The following RPS6KA2 variants were observed in gnomAD, a reference collection of about 807,000 sequenced individuals.
RPS6KA2 encodes ribosomal protein S6 kinase A2.
A neutral mutation model predicts 91.8 loss-of-function variants in RPS6KA2; 42 were observed. The ratio of observed to expected loss-of-function variants is 0.46; its 90% CI spans 0.36 to 0.59. The LOEUF is 0.59. RPS6KA2 is among the 20% of genes least tolerant of loss of function. The probability of loss-of-function intolerance (pLI) is 0.00; values close to 1 mark genes in which losing one functional copy is unlikely to be tolerated. For missense variants in RPS6KA2, 798 were observed against 978.5 expected, an observed-to-expected ratio of 0.82 and a Z score of 2.46; for synonymous variants, 414 against 393.6, an observed-to-expected ratio of 1.05 and a Z score of -0.61.
At position 166,490,691 on chromosome 6, in the gene RPS6KA2, C is replaced by G; in HGVS notation, c.798G>C (p.Glu266Asp). ...SLPFQGKDRKETMALILKAKL... is the reference protein window; with the variant it reads ...SLPFQGKDRKDTMALILKAKL... ...CTCACTTGAGGATGAGAGCCATGGTCTCCTTCCTGTCCTTCCCCTGGAACG... is the reference window on the plus strand; with the variant it reads ...CTCACTTGAGGATGAGAGCCATGGTGTCCTTCCTGTCCTTCCCCTGGAACG... The change falls in exon 9 of 21, where the codon GAG becomes GAC. Residue 266 changes from glutamate (E) to aspartate (D), a missense_variant. Physicochemically the swap from Glu to Asp is conservative, Grantham distance 45. Transcript: ENST00000265678. This position sits in a 1 kb window ranked among gnomAD's most constrained non-coding sequence, Gnocchi z 4.2. The G allele has an allele frequency of 6.2e-7, 1 of 1,612,330 alleles. No individual in the cohort carries two copies. The highest frequency in any genetic ancestry group is 8.5e-7 in the Non-Finnish European group (1 of 1,179,132).
At position 166,701,162 on chromosome 6, in the gene RPS6KA2, T is replaced by G. The variant is rs1789506671; in HGVS notation, c.123+157038A>C. The G allele has an allele frequency of 4.3e-6, 7 of 1,611,904 alleles. No homozygotes were observed. In the Admixed American group the frequency reaches 1.2e-4, roughly 27 times the overall value. ...TGTTGTTGCTGCTGCTTTACCTGAG[T>G]CAGAATTTCCTGAATTTTTCTCTGG... On this transcript the variant is annotated intron_variant, in intron 2 of 21. Coordinates refer to the RPS6KA2 transcript ENST00000503859.
At chr6:166,856,639 T>C (rs1780911249) in intron 2 of RPS6KA2, among the ~76,000 whole-genome samples, 1 of 152,212 alleles carries the variant, frequency 6.6e-6, no homozygotes, top group Non-Finnish European at 1.5e-5. Context: ...TAAGTCTGTC[T>C]GCAGTAAACA....
At chr6:166,414,073 G>A in intron 19 of RPS6KA2, 142 bp from the exon 20 acceptor site, 1 of 643,960 alleles carries the variant, frequency 1.6e-6, no homozygotes. Flanking sequence ...TTGGGGTCAT[G>A]TTCACTTTCA....
intron 2 of RPS6KA2, among the ~76,000 whole-genome samples, chr6:166,742,661 C>T (rs1340828157): frequency 3.3e-5 from 5 of 152,182 alleles, no homozygotes; most frequent in Admixed American, 3.3e-4. Context: ...GCAACACCTT[C>T]CTCTTCTGTG....
Position 166,459,771 on chromosome 6 carries a change from T to C in RPS6KA2, c.973-220A>G, listed in dbSNP as rs2073757135. 1.3e-5 allele frequency among the ~76,000 whole-genome samples: 2 copies of C among 152,184 alleles called. No homozygotes were observed. The highest frequency in any genetic ancestry group is 2.1e-4 in the South Asian group (1 of 4,828). Reference sequence around the variant, plus strand: ...GATACTATGGCATATATAATAACGATGTATTATAGAAAGGTATAGAAAAGG... The same window carrying C: ...GATACTATGGCATATATAATAACGACGTATTATAGAAAGGTATAGAAAAGG... On this transcript the variant is annotated intron_variant, in intron 11 of 20. Coordinates refer to ENST00000265678, the MANE Select transcript of RPS6KA2 (RefSeq NM_021135.6). The surrounding 1 kb of genome is among the most constrained non-coding windows in gnomAD (Gnocchi z 4.9).
chr6:166,831,835 C>A, intron 2 of RPS6KA2, among the ~76,000 whole-genome samples: 1 of 148,764 alleles, frequency 6.7e-6, no homozygotes, highest in South Asian at 2.1e-4. Flanking sequence ...TAGACACATA[C>A]ATAGGTAATA....
rs560369274 is a variant in RPS6KA2, at chr6:166,418,597, G to A, written c.1821-255C>T. Among the ~76,000 whole-genome samples, 3 of 152,312 alleles carry A rather than the reference G, an allele frequency of 2.0e-5. No homozygotes were observed. The highest frequency in any genetic ancestry group is 4.1e-4 in the South Asian group (2 of 4,824). On this transcript the variant is annotated intron_variant, in intron 18 of 20. Coordinates refer to ENST00000265678, the MANE Select transcript of RPS6KA2 (RefSeq NM_021135.6). This position sits in a 1 kb window ranked among gnomAD's most constrained non-coding sequence, Gnocchi z 4.9. Reference sequence around the variant, plus strand: ...GTGAGACCTGTGCTGTATCCCCTCCGGACCCAGGTAAACTGGGATGGGGTG... The same window carrying A: ...GTGAGACCTGTGCTGTATCCCCTCCAGACCCAGGTAAACTGGGATGGGGTG...
At chr6:166,708,328 T>C (rs570682974) in intron 2 of RPS6KA2, among the ~76,000 whole-genome samples, 1 of 152,318 alleles carries the variant, frequency 6.6e-6, no homozygotes, top group Admixed American at 6.5e-5. Flanking sequence ...GTATTTACAA[T>C]AAAGTAAACA....
intron 2 of RPS6KA2, among the ~76,000 whole-genome samples, chr6:166,832,186 T>C (rs1215543252): frequency 6.6e-6 from 1 of 152,176 alleles, no homozygotes; most frequent in African/African-American, 2.4e-5. Context: ...CCTGGGAGTA[T>C]TTTTAATGAA....
Position 166,508,211 on chromosome 6 carries a change from A to T in RPS6KA2, c.451T>A (p.Ser151Thr), listed in dbSNP as rs751455528. ...ATGTGGCGGCTGCTCACCTCTTTGG[A>T]GAGCCGGGTGAAGAGGTCCCCTCCC... ...LRGGDLFTRL[S>T]KEVMFTEEDV... The change falls in exon 5 of 21, where the codon TCC becomes ACC. Residue 151 changes from serine (S) to threonine (T), a missense_variant. Coordinates refer to ENST00000265678, the MANE Select transcript of RPS6KA2 (RefSeq NM_021135.6). The surrounding 1 kb of genome is among the most constrained non-coding windows in gnomAD (Gnocchi z 4.3). The T allele has an allele frequency of 6.2e-7, 1 of 1,609,126 alleles. No individual in the cohort carries two copies. Among genetic ancestry groups the T allele is most frequent in the Non-Finnish European group, 8.5e-7 (1 of 1,175,740 alleles).
At chr6:166,529,415 C>T (rs1335498913) in intron 3 of RPS6KA2, among the ~76,000 whole-genome samples, 1 of 151,166 alleles carries the variant, frequency 6.6e-6, no homozygotes, top group African/African-American at 2.4e-5. Context: ...ACACTGGGGC[C>T]TGTGGTGGGG....
rs1013093935 is a variant in RPS6KA2 at position 166,554,819 on chromosome 6, C to A, written c.100-16035G>T. 4.6e-5 allele frequency among the ~76,000 whole-genome samples: 7 copies of A among 152,234 alleles called. No individual in the cohort carries two copies. The highest frequency in any genetic ancestry group is 8.8e-5 in the Non-Finnish European group (6 of 68,044). On this transcript the variant is annotated intron_variant, in intron 1 of 20. Transcript: ENST00000265678. This position sits in a 1 kb window ranked among gnomAD's most constrained non-coding sequence, Gnocchi z 4.3. The stretch of plus-strand genomic sequence containing the variant: ...TGTGAGGAGACACTGCCCAGACCAG[C>A]AACTCCACAGCAAGTCAGAAATACA...
intron 2 of RPS6KA2, among the ~76,000 whole-genome samples, chr6:166,809,844 A>G (rs539614712): frequency 6.6e-6 from 1 of 152,352 alleles, no homozygotes; most frequent in African/African-American, 2.4e-5. Context: ...TGTTCAACGC[A>G]GGCCCATGGA....
At chr6:166,701,398 G>C in intron 2 of RPS6KA2, 1 of 1,329,098 alleles carries the variant, frequency 7.5e-7, no homozygotes, top group Non-Finnish European at 1.1e-6. Flanking sequence ...GACTAACGAA[G>C]TTTTCTTCTT....
intron 16 of RPS6KA2, among the ~76,000 whole-genome samples, chr6:166,426,931 A>C (rs1310362657): frequency 6.7e-6 from 1 of 149,610 alleles, no homozygotes; most frequent in Non-Finnish European, 1.5e-5. Flanking sequence ...AAAAGAGGGA[A>C]TCCTCCCTAA....
chr6:166,858,893 T>C (rs1358094141), intron 1 of RPS6KA2, among the ~76,000 whole-genome samples: 2 of 152,070 alleles, frequency 1.3e-5, no homozygotes, highest in African/African-American at 4.8e-5. Context: ...CCTAGAGATG[T>C]GGGGAGAGCT....
intron 5 of RPS6KA2, among the ~76,000 whole-genome samples, chr6:166,507,136 GTACCTCCCTCT>G (rs1275449979): frequency 6.6e-6 from 1 of 152,042 alleles, no homozygotes; most frequent in Non-Finnish European, 1.5e-5. Context: ...CGGCTTAGCA[GTACCTCCCTCT>G]TCCCTCCCTC....
At chr6:166,782,734 G>A (rs1352957198) in intron 2 of RPS6KA2, among the ~76,000 whole-genome samples, 4 of 152,164 alleles carry the variant, frequency 2.6e-5, no homozygotes, top group East Asian at 1.9e-4. Context: ...CCTACCTGAC[G>A]TCAGAACTGT....
intron 2 of RPS6KA2, among the ~76,000 whole-genome samples, chr6:166,699,434 C>A (rs1200310429): frequency 6.6e-6 from 1 of 152,174 alleles, no homozygotes; most frequent in East Asian, 1.9e-4. Flanking sequence ...CACTTTAAAT[C>A]ATTTTCAAAA....
Sources: allele counts gnomAD v4.1 joint callset (sites outside exome capture counted in the v4.1 genomes callset), GRCh38; gene constraint gnomAD v4.1.1; non-coding constraint Gnocchi (gnomAD v3.1); transcripts MANE v1.5; gene names NCBI Gene and HGNC (gene_info 2026-07-23, HGNC 2026-07-21).